FBXL5: variants seen among roughly 807,000 people sequenced by gnomAD.
FBXL5 encodes F-box/LRR-repeat protein 5.
In FBXL5, 26 loss-of-function variants were observed where a neutral mutation model predicts 78.3. The observed-to-expected ratio is 0.33, with a 90% CI of 0.24 to 0.46. FBXL5 has a LOEUF of 0.46. Among genes scored for constraint, FBXL5 ranks in the 20% least tolerant of loss-of-function variants. The probability of loss-of-function intolerance (pLI) is 1.00; values close to 1 mark genes in which losing one functional copy is unlikely to be tolerated. For missense variants in FBXL5, 710 were observed against 829.2 expected (o/e 0.86, Z 1.77); for synonymous variants, 295 against 282.5 (o/e 1.04, Z -0.45).
At chr4:15,679,420 G>A (rs1718117995) in intron 1 of FBXL5, among the ~76,000 whole-genome samples, 1 of 151,966 alleles carries the variant, frequency 6.6e-6, no homozygotes, top group Non-Finnish European at 1.5e-5. Flanking sequence ...ATAAACCTGA[G>A]TAATATTTAC....
At chr4:15,666,713 T>C (rs1577512778) in intron 1 of FBXL5, among the ~76,000 whole-genome samples, 2 of 152,168 alleles carry the variant, frequency 1.3e-5, no homozygotes, top group Admixed American at 1.3e-4. Flanking sequence ...GTGCCTGTGA[T>C]TCCATCTACT....
intron 1 of FBXL5, among the ~76,000 whole-genome samples, chr4:15,650,700 C>A (rs375170004): frequency 8.3e-6 from 1 of 121,146 alleles, no homozygotes; most frequent in Admixed American, 1.1e-4. Context: ...CAGAGTCTCA[C>A]TCTGTCGCCC....
chr4:15,620,823 C>A (rs898239820), intron 9 of FBXL5, among the ~76,000 whole-genome samples: 2 of 152,254 alleles, frequency 1.3e-5, no homozygotes, highest in African/African-American at 4.8e-5. Context: ...TATTCTTAAG[C>A]CACAAACAAT....
chr4:15,676,531 T>G (rs1227211991), intron 1 of FBXL5, among the ~76,000 whole-genome samples: 1 of 152,204 alleles, frequency 6.6e-6, no homozygotes, highest in Non-Finnish European at 1.5e-5. Flanking sequence ...TAGCTTCTAA[T>G]TCAAAGAAAC....
Position 15,640,829 on chromosome 4 carries a change from A to G in FBXL5, c.355T>C (p.Phe119Leu). 1 of 1,571,030 alleles carries G rather than the reference A, an allele frequency of 6.4e-7. No homozygotes were observed. The highest frequency in any genetic ancestry group is 8.6e-7 in the Non-Finnish European group (1 of 1,162,244). Residue 119 changes from phenylalanine (F) to leucine (L), a missense_variant, in exon 3 of 11, where the codon TTT (phenylalanine) becomes CTT (leucine). Physicochemically the swap from Phe to Leu is conservative, Grantham distance 22. This residue lies in a region of FBXL5 where 132 missense variants were observed against 156.9 expected (regional missense o/e 0.84). Transcript: ENST00000341285. Reference protein sequence around the residue: ...AKQLKERLEAFTRDFLPHMKE... With the variant: ...AKQLKERLEALTRDFLPHMKE... The stretch of plus-strand genomic sequence containing the variant: ...ATGTGAGGAAGAAAATCTCTTGTAA[A>G]AGCCTCCAATCTCTCTTTCAGTTGT...
At chr4:15,679,089 G>A (rs1279654373) in intron 1 of FBXL5, among the ~76,000 whole-genome samples, 2 of 140,056 alleles carry the variant, frequency 1.4e-5, no homozygotes, top group South Asian at 2.2e-4. Context: ...TTTTTGAGAC[G>A]GAGTCTCACT....
chr4:15,633,290 T>A (rs764300655), intron 5 of FBXL5, among the ~76,000 whole-genome samples: 7 of 152,218 alleles, frequency 4.6e-5, no homozygotes, highest in Non-Finnish European at 8.8e-5. Flanking sequence ...AACTTTTTTA[T>A]AGAAATAAGC....
intron 1 of FBXL5, among the ~76,000 whole-genome samples, chr4:15,649,578 C>CA (rs34238482): frequency 0.023 from 1,864 of 81,010 alleles, 50 homozygotes; most frequent in African/African-American, 0.067. Context: ...GACTACGTCT[C>CA]AAAAAAAAAA....
At chr4:15,617,116 T>C (rs1711970457) in intron 9 of FBXL5, among the ~76,000 whole-genome samples, 1 of 152,192 alleles carries the variant, frequency 6.6e-6, no homozygotes. Flanking sequence ...CATTACTAGG[T>C]ATATAACCAA....
At chr4:15,652,245 G>A (rs1716166974) in intron 1 of FBXL5, among the ~76,000 whole-genome samples, 1 of 152,166 alleles carries the variant, frequency 6.6e-6, no homozygotes, top group African/African-American at 2.4e-5. Context: ...ATTAGCAGGA[G>A]ATTTCTTAGC....
At chr4:15,614,476 G>C (rs556832008) in intron 9 of FBXL5, among the ~76,000 whole-genome samples, 14 of 152,272 alleles carry the variant, frequency 9.2e-5, no homozygotes, top group Admixed American at 6.5e-4. Flanking sequence ...GTTTGCCCTG[G>C]GGTCACCTGG....
chr4:15,654,048 T>G (rs1716494488), intron 1 of FBXL5, among the ~76,000 whole-genome samples: 1 of 152,216 alleles, frequency 6.6e-6, no homozygotes, highest in Non-Finnish European at 1.5e-5. Flanking sequence ...AGTGCTAAGA[T>G]TTGAAATTCA....
In FBXL5 at chr4:15,625,575, T is replaced by G. The variant is rs200770772; in HGVS notation, c.1527A>C (p.Thr509=). Residue 509 remains threonine (T), a synonymous_variant, in exon 9 of 11, where the codon ACA becomes ACC. Transcript: ENST00000341285. ...RNVESLCVME[T]ASNFSCSTSG... ...AGGTGGAACAACTAAAGTTGGATGC[T>G]GTTTCCATTACACAAAGACTTTCAA... 1.9e-6 allele frequency: 3 copies of G among 1,614,110 alleles called. No individual in the cohort carries two copies. Among genetic ancestry groups the G allele is most frequent in the Middle Eastern group, 3.3e-4 (2 of 6,084 alleles).
At chr4:15,666,892 A>G (rs1717569823) in intron 1 of FBXL5, among the ~76,000 whole-genome samples, 1 of 152,170 alleles carries the variant, frequency 6.6e-6, no homozygotes, top group African/African-American at 2.4e-5. Flanking sequence ...AGACAGGCAA[A>G]TGGAGTGCTA....
At position 15,655,329 on chromosome 4, in the gene FBXL5, C is replaced by A. The variant is rs1393029080; in HGVS notation, c.-42G>T. On this transcript the variant is annotated 5_prime_UTR_variant, in exon 1 of 11. Coordinates refer to ENST00000341285, the MANE Select transcript of FBXL5 (RefSeq NM_012161.4). ...TCCGCCTCAGCAGCCGCGGCCGCCG[C>A]CTCTCCATAGACACCCTCGCCGCGG... The A allele has an allele frequency of 1.3e-5, 17 of 1,348,944 alleles. No homozygotes were observed. Among genetic ancestry groups the A allele is most frequent in the Non-Finnish European group, 1.6e-5 (16 of 1,022,734 alleles). The allele number at this position is 1,348,944 out of a possible 1,614,324, so 83.6% of individuals were successfully genotyped here. A position where few individuals can be genotyped will look rare whatever the true frequency, so the allele number is the denominator to read the frequency against.
chr4:15,628,028 A>C lies in FBXL5; in HGVS notation c.898T>G (p.Ser300Ala). 1 of 1,613,176 alleles carries C rather than the reference A, an allele frequency of 6.2e-7. No homozygotes were observed. Among genetic ancestry groups the C allele is most frequent in the Non-Finnish European group, 8.5e-7 (1 of 1,179,716 alleles). Reference sequence around the variant, plus strand: ...CTGATAGCAATTGATTCCTCCGCAGACTCTTCTGTAAAATGAATTCAAAAG... The same window carrying C: ...CTGATAGCAATTGATTCCTCCGCAGCCTCTTCTGTAAAATGAATTCAAAAG... ...EDADIDESEE[S>A]AEESIAISIA... The change falls in exon 7 of 11, where the codon TCT becomes GCT. Residue 300 changes from serine (S) to alanine (A), a missense_variant. Physicochemically the swap from Ser to Ala is moderately conservative, Grantham distance 99. Transcript: ENST00000341285.
chr4:15,619,353 C>G (rs1712242365), intron 9 of FBXL5, among the ~76,000 whole-genome samples: 1 of 152,146 alleles, frequency 6.6e-6, no homozygotes, highest in African/African-American at 2.4e-5. Context: ...ACTACACACC[C>G]TGACCAAGTG....
rs1721759460 is a variant in FBXL5 at position 15,604,575 on chromosome 4, A to G, written c.*1148T>C. 2.0e-5 allele frequency: 3 copies of G among 152,378 alleles called. No homozygotes were observed. In the South Asian group the frequency reaches 6.2e-4, roughly 32 times the overall value. 9.4% of individuals were successfully genotyped at this position (152,378 alleles called of 1,614,324 possible). A position where few individuals can be genotyped will look rare whatever the true frequency, so the allele number is the denominator to read the frequency against. ...GTTTTATTGGAAACATGGCACCAAT[A>G]GACTGGCTCAACGCAGAGTTGCCAT... On this transcript the variant is annotated 3_prime_UTR_variant, in exon 11 of 11. Coordinates refer to ENST00000341285, the MANE Select transcript of FBXL5 (RefSeq NM_012161.4).
Position 15,605,613 on chromosome 4 carries a change from C to T in FBXL5, c.*110G>A. 1 of 833,466 alleles carries T rather than the reference C, an allele frequency of 1.2e-6. No homozygotes were observed. Among genetic ancestry groups the T allele is most frequent in the African/African-American group, 1.7e-5 (1 of 59,732 alleles). The allele number at this position is 833,466 out of a possible 1,614,324, so 51.6% of individuals were successfully genotyped here. A position where few individuals can be genotyped will look rare whatever the true frequency, so the allele number is the denominator to read the frequency against. ...GAAGTTGTAAGAAATGGGGCCAAAA[C>T]AAGTCACGCTCAAAAAGGGATGGTT... is the stretch of plus-strand genomic sequence containing the variant. On this transcript the variant is annotated 3_prime_UTR_variant, in exon 11 of 11. Coordinates refer to ENST00000341285, the MANE Select transcript of FBXL5 (RefSeq NM_012161.4).
Sources: allele counts gnomAD v4.1 joint callset (sites outside exome capture counted in the v4.1 genomes callset), GRCh38; gene constraint gnomAD v4.1.1; regional missense constraint gnomAD v4.1.1; transcripts MANE v1.5; gene names NCBI Gene and HGNC (gene_info 2026-07-23, HGNC 2026-07-21).